The following LIPJ variants were observed in gnomAD, a reference collection of about 807,000 sequenced individuals.
The protein encoded by LIPJ is lipase family member J.
A neutral mutation model predicts 39.8 loss-of-function variants in LIPJ; 33 were observed. The ratio of observed to expected loss-of-function variants is 0.83; its 90% CI spans 0.63 to 1.11. The LOEUF (loss-of-function observed/expected upper bound fraction) is 1.11. LIPJ is among the 50% of genes least tolerant of loss of function. LIPJ has a pLI of 0.00. For synonymous variants in LIPJ, 128 were observed against 139.2 expected (o/e 0.92, Z 0.57); for missense variants, 422 against 427.9 (o/e 0.99, Z 0.12).
At chr10:88,599,717 A>T (rs1590084447) in intron 8 of LIPJ, among the ~76,000 whole-genome samples, 1 of 151,618 alleles carries the variant, frequency 6.6e-6, no homozygotes, top group South Asian at 2.1e-4. Context: ...ACACATATAT[A>T]TATATACACA....
At chr10:88,598,549 G>A (rs1469318985) in intron 8 of LIPJ, among the ~76,000 whole-genome samples, 1 of 152,000 alleles carries the variant, frequency 6.6e-6, no homozygotes, top group East Asian at 1.9e-4. Flanking sequence ...CAGCTGTCAA[G>A]GGTGTGTGAT....
At chr10:88,583,550 G>A (rs1185028164), upstream of LIPJ, 3 of 1,080,456 alleles carry the variant, frequency 2.8e-6, no homozygotes, top group African/African-American at 3.4e-5. Flanking sequence ...CAGAGAAGCA[G>A]CTTAACCTAT....
downstream of LIPJ, among the ~76,000 whole-genome samples, chr10:88,609,898 C>CAA (rs11305444): frequency 1.5e-4 from 13 of 84,538 alleles, no homozygotes; most frequent in Middle Eastern, 5.0e-3. Flanking sequence ...GACTCTGTCT[C>CAA]AAAAAAAAAA....
upstream of LIPJ, chr10:88,584,334 T>C (rs1661983075): frequency 6.6e-6 from 1 of 152,184 alleles, no homozygotes; most frequent in Admixed American, 6.5e-5. Context: ...AAATACATAA[T>C]CATTTACAAC....
chr10:88,596,963 A>G lies in LIPJ; in HGVS notation c.723+27A>G, dbSNP rs1342908766. 2.4e-6 allele frequency: 3 copies of G among 1,264,656 alleles called. No individual in the cohort carries two copies. In the Middle Eastern group the frequency reaches 8.0e-4, roughly 338 times the overall value. 78.3% of individuals were successfully genotyped at this position (1,264,656 alleles called of 1,614,324 possible). On this transcript the variant is annotated intron_variant, in intron 8 of 10. Transcript: ENST00000371939. Reference sequence around the variant, plus strand: ...TAAGAACAAGTTGTATTTGAAATATATATATTTTCCAATATTTGGAAAGTA... The same window carrying G: ...TAAGAACAAGTTGTATTTGAAATATGTATATTTTCCAATATTTGGAAAGTA...
At chr10:88,590,779 T>A (rs1389393311) in intron 3 of LIPJ, 83 bp downstream of exon 3, 1 of 1,018,478 alleles carries the variant, frequency 9.8e-7, no homozygotes, top group African/African-American at 1.6e-5. Flanking sequence ...CTTAATAGAT[T>A]TACAGTCAAA....
intron 6 of LIPJ, among the ~76,000 whole-genome samples, chr10:88,596,062 G>T (rs1851243093): frequency 1.3e-5 from 2 of 151,226 alleles, no homozygotes; most frequent in Non-Finnish European, 3.0e-5. Flanking sequence ...ATTCTTTATG[G>T]TCTATACATT....
At chr10:88,619,673 A>T in the LIPJ span, among the ~76,000 whole-genome samples, 5 of 152,134 alleles carry the variant, frequency 3.3e-5, no homozygotes, top group South Asian at 4.1e-4. Context: ...AATTCTAAAA[A>T]GAGTATATAT....
chr10:88,607,180 A>G (rs1851693904), downstream of LIPJ, among the ~76,000 whole-genome samples: 2 of 152,188 alleles, frequency 1.3e-5, no homozygotes, highest in East Asian at 1.9e-4. Context: ...TAACATTTCA[A>G]TTGCAGGAGA....
chr10:88,590,790 C>A, intron 3 of LIPJ, 94 bp downstream of exon 3: 1 of 854,170 alleles, frequency 1.2e-6, no homozygotes, highest in Non-Finnish European at 2.0e-6. Flanking sequence ...TACAGTCAAA[C>A]GTATACATCT....
chr10:88,596,950 G>A lies in LIPJ; in HGVS notation c.723+14G>A, dbSNP rs748338041. 2 of 1,342,034 alleles carry A rather than the reference G, an allele frequency of 1.5e-6. No homozygotes were observed. 83.1% of individuals were successfully genotyped at this position (1,342,034 alleles called of 1,614,324 possible). ...AACTTAAATATGGTAAGAACAAGTT[G>A]TATTTGAAATATATATATTTTCCAA... On this transcript the variant is annotated intron_variant, in intron 8 of 10. Coordinates refer to ENST00000371939, the Ensembl canonical transcript of LIPJ.
intron 8 of LIPJ, among the ~76,000 whole-genome samples, chr10:88,601,646 G>T (rs1379554595): frequency 6.6e-6 from 1 of 152,144 alleles, no homozygotes; most frequent in East Asian, 1.9e-4. Context: ...TTCTCTTAAG[G>T]TTCCTGTCCT....
the LIPJ span, among the ~76,000 whole-genome samples, chr10:88,616,414 A>G: frequency 6.6e-6 from 1 of 152,156 alleles, no homozygotes; most frequent in Admixed American, 6.5e-5. Flanking sequence ...CTGAGCTCAG[A>G]CCATTAGGAA....
upstream of LIPJ, chr10:88,586,696 G>A (rs1427602421): frequency 2.0e-5 from 3 of 152,114 alleles, no homozygotes; most frequent in Non-Finnish European, 4.4e-5. Context: ...TAAGCACCAA[G>A]AGGGTAGAAA....
At chr10:88,613,805 T>TGTGTGG in the LIPJ span, among the ~76,000 whole-genome samples, 2 of 53,476 alleles carry the variant, frequency 3.7e-5, no homozygotes, top group African/African-American at 1.8e-4. Flanking sequence ...TATATATGTG[T>TGTGTGG]GTGTGTGTGT....
exon 5 of LIPJ, chr10:88,594,057 A>G: frequency 6.2e-7 from 1 of 1,612,284 alleles, no homozygotes; most frequent in Non-Finnish European, 8.5e-7. Flanking sequence ...GCTGGTTATG[A>G]TGTGTGGATG....
chr10:88,603,162 C>T (rs1309857413), intron 9 of LIPJ, among the ~76,000 whole-genome samples: 1 of 152,018 alleles, frequency 6.6e-6, no homozygotes, highest in African/African-American at 2.4e-5. Flanking sequence ...ACTGTTACAG[C>T]AATATAAATA....
chr10:88,604,287 G>A (rs1426635327), intron 9 of LIPJ, among the ~76,000 whole-genome samples: 1 of 152,206 alleles, frequency 6.6e-6, no homozygotes, highest in Non-Finnish European at 1.5e-5. Flanking sequence ...GGATCTGCAT[G>A]TCATTGTAAG....
At chr10:88,604,606 T>G (rs1851600296) in intron 9 of LIPJ, among the ~76,000 whole-genome samples, 1 of 151,852 alleles carries the variant, frequency 6.6e-6, no homozygotes, top group African/African-American at 2.4e-5. Flanking sequence ...AAGAGGTGAG[T>G]GAGAAAGAGA....
Sources: gnomAD v4.1 joint callset for allele counts (sites outside exome capture counted in the v4.1 genomes callset) on GRCh38, gnomAD v4.1.1 for gene constraint, MANE v1.5 for transcripts, NCBI Gene and HGNC (gene_info 2026-07-23, HGNC 2026-07-21) for gene names.